The following MGAT5 variants were observed in gnomAD, a reference collection of about 807,000 sequenced individuals.
MGAT5 encodes the protein alpha-1,6-mannosylglycoprotein 6-beta-N-acetylglucosaminyltransferase A.
A neutral mutation model predicts 94.3 loss-of-function variants in MGAT5; 30 were observed. The ratio of observed to expected loss-of-function variants is 0.32; its 90% confidence interval spans 0.24 to 0.43. The LOEUF (loss-of-function observed/expected upper bound fraction) is 0.43, where lower values mean the gene tolerates loss of function less well. MGAT5 is among the 20% of genes least tolerant of loss of function. The probability of loss-of-function intolerance (pLI) is 1.00; values close to 1 mark genes in which losing one functional copy is unlikely to be tolerated. For synonymous variants in MGAT5, 310 were observed against 322.9 expected (o/e 0.96, Z 0.43); for missense variants, 691 against 905.5 (o/e 0.76, Z 3.04).
chr2:134,289,594 A>T (rs1184823389), intron 2 of MGAT5, among the ~76,000 whole-genome samples: 1 of 152,200 alleles, frequency 6.6e-6, no homozygotes, highest in Non-Finnish European at 1.5e-5. Context: ...AGCATCTGAG[A>T]ATTTGGATCT....
intron 8 of MGAT5, among the ~76,000 whole-genome samples, chr2:134,347,977 C>G (rs562777456): frequency 3.8e-4 from 58 of 152,248 alleles, no homozygotes; most frequent in African/African-American, 1.3e-3. Flanking sequence ...TTCCCCAGCC[C>G]CACAAATCAG....
chr2:134,349,151 A>G (rs1221278827), intron 8 of MGAT5, among the ~76,000 whole-genome samples: 1 of 152,226 alleles, frequency 6.6e-6, no homozygotes, highest in Non-Finnish European at 1.5e-5. Flanking sequence ...AGACCGTACA[A>G]AAATAGGCGG....
At chr2:134,406,915 A>C (rs902932822) in intron 11 of MGAT5, among the ~76,000 whole-genome samples, 1 of 152,072 alleles carries the variant, frequency 6.6e-6, no homozygotes, top group African/African-American at 2.4e-5. Context: ...TGAAATACCC[A>C]GGGCTTGAGG....
intron 13 of MGAT5, among the ~76,000 whole-genome samples, chr2:134,425,894 CTTT>C (rs58839374): frequency 6.9e-6 from 1 of 144,430 alleles, no homozygotes. Flanking sequence ...AGTAACAGTC[CTTT>C]TTTTTTTTTT....
At chr2:134,320,111 GTGTT>G (rs1687227668) in intron 4 of MGAT5, 1 of 160,126 alleles carries the variant, frequency 6.2e-6, no homozygotes, top group Non-Finnish European at 1.4e-5. Flanking sequence ...TTCAGATTCA[GTGTT>G]TGAGTCACTG....
At chr2:134,221,823 A>C (rs980871830) in intron 1 of MGAT5, among the ~76,000 whole-genome samples, 1 of 152,176 alleles carries the variant, frequency 6.6e-6, no homozygotes, top group Non-Finnish European at 1.5e-5. Flanking sequence ...GGTTTGAGGA[A>C]TAAAATTAGG....
At chr2:134,395,169 C>T (rs902058501) in intron 10 of MGAT5, among the ~76,000 whole-genome samples, 5 of 152,180 alleles carry the variant, frequency 3.3e-5, no homozygotes, top group Admixed American at 6.5e-5. Context: ...CATCATTATC[C>T]GTAAGTGACT....
chr2:134,341,415 C>T (rs1361348310), intron 6 of MGAT5, among the ~76,000 whole-genome samples, 175 bp from the exon 7 acceptor site: 1 of 152,116 alleles, frequency 6.6e-6, no homozygotes, highest in Non-Finnish European at 1.5e-5. Context: ...TCTCTAAAAC[C>T]ACAATGAAAA....
At chr2:134,361,168 CA>C (rs1680070457) in intron 9 of MGAT5, among the ~76,000 whole-genome samples, 1 of 152,230 alleles carries the variant, frequency 6.6e-6, no homozygotes, top group Non-Finnish European at 1.5e-5. Context: ...CTAGCACAAC[CA>C]GAACAAGATG....
intron 1 of MGAT5, among the ~76,000 whole-genome samples, chr2:134,258,608 C>A (rs530952446): frequency 2.4e-4 from 36 of 152,052 alleles, no homozygotes; most frequent in African/African-American, 8.0e-4. Context: ...GTCTCTCTCT[C>A]TACTGGATTT....
At chr2:134,404,280 G>T (rs1028955825) in intron 11 of MGAT5, among the ~76,000 whole-genome samples, 14 of 152,190 alleles carry the variant, frequency 9.2e-5, no homozygotes, top group Non-Finnish European at 1.0e-4. Context: ...AGGTAGGGGA[G>T]AGAGGTTGAG....
chr2:134,236,176 G>C (rs1373455230), intron 1 of MGAT5, among the ~76,000 whole-genome samples: 1 of 152,202 alleles, frequency 6.6e-6, no homozygotes, highest in African/African-American at 2.4e-5. Flanking sequence ...GCAGTGTTCA[G>C]AGTTGTTCTT....
chr2:134,279,224 A>G (rs957143808), intron 2 of MGAT5, among the ~76,000 whole-genome samples: 2 of 152,184 alleles, frequency 1.3e-5, no homozygotes, highest in Admixed American at 6.5e-5. Flanking sequence ...TCTGCCACTT[A>G]TGTGCTTTGA....
intron 1 of MGAT5, among the ~76,000 whole-genome samples, chr2:134,270,138 A>G (rs1160407768): frequency 6.6e-6 from 1 of 152,210 alleles, no homozygotes; most frequent in Admixed American, 6.5e-5. Context: ...TCTCTTGACC[A>G]AGTAGCTGGA....
At chr2:134,235,198 A>G (rs1681571912) in intron 1 of MGAT5, among the ~76,000 whole-genome samples, 1 of 151,916 alleles carries the variant, frequency 6.6e-6, no homozygotes. Flanking sequence ...CTCCCCTGCC[A>G]TGCTCCCCGA....
chr2:134,193,098 G>T (rs1679306747), intron 1 of MGAT5, among the ~76,000 whole-genome samples: 1 of 150,968 alleles, frequency 6.6e-6, no homozygotes, highest in Non-Finnish European at 1.5e-5. Flanking sequence ...GCTCTGTGAG[G>T]TTACTTTATT....
chr2:134,186,734 G>A (rs149456342), intron 1 of MGAT5, among the ~76,000 whole-genome samples: 3 of 152,180 alleles, frequency 2.0e-5, no homozygotes, highest in Non-Finnish European at 2.9e-5. Flanking sequence ...AACCGAGTCA[G>A]TGATGGCATC....
Position 134,180,798 on chromosome 2 carries a change from G to GT in MGAT5, c.-143+60513dup, listed in dbSNP as rs146220349. Among the ~76,000 whole-genome samples, 1,160 of 152,268 alleles carry GT rather than the reference G, an allele frequency of 7.6e-3. 19 individuals are homozygous for GT. The highest frequency in any genetic ancestry group is 0.027 in the African/African-American group (1,111 of 41,550). On this transcript the variant is annotated intron_variant, in intron 1 of 16. Transcript: ENST00000409645. Reference sequence around the variant, plus strand: ...GGAATGTTTTCTTTAGGGGCCAGGAGTTTTTTCTGTAAAATGCCCATTTCC... The same window carrying GT: ...GGAATGTTTTCTTTAGGGGCCAGGAGTTTTTTTCTGTAAAATGCCCATTTCC...
At chr2:134,332,984 G>T (rs1480188090) in intron 4 of MGAT5, among the ~76,000 whole-genome samples, 1 of 152,198 alleles carries the variant, frequency 6.6e-6, no homozygotes, top group Admixed American at 6.5e-5. Context: ...TACACTGTTG[G>T]TGGGACTGGA....
Sources: allele counts gnomAD v4.1 joint callset (sites outside exome capture counted in the v4.1 genomes callset), GRCh38; gene constraint gnomAD v4.1.1; transcripts MANE v1.5; gene names NCBI Gene and HGNC (gene_info 2026-07-23, HGNC 2026-07-21).